YIPF6: variants seen among roughly 807,000 people sequenced by gnomAD.
The protein encoded by YIPF6 is protein YIPF6.
Under a neutral mutation model 16.8 loss-of-function variants are expected in YIPF6, and 3 were observed. The observed-to-expected ratio is 0.18, with a 90% confidence interval of 0.08 to 0.46. The LOEUF is 0.46. Among genes scored for constraint, YIPF6 ranks in the 20% least tolerant of loss-of-function variants. YIPF6 has a pLI of 0.98. For synonymous variants in YIPF6, 67 were observed against 61.9 expected, an observed-to-expected ratio of 1.08 and a Z score of -0.38; for missense variants, 145 against 184.9, an observed-to-expected ratio of 0.78 and a Z score of 1.25.
In YIPF6 at chrX:68,535,517, G is replaced by A. The variant is rs2079188029; in HGVS notation, c.*3518G>A. On this transcript the variant is annotated 3_prime_UTR_variant, in exon 7 of 7. Coordinates refer to ENST00000462683, the MANE Select transcript of YIPF6 (RefSeq NM_173834.4). ...AAATTGTGATTCTTAGACTGTTTCT[G>A]AGACATTTGGATGGAAATAAATGTA... The A allele has an allele frequency of 8.9e-6, 1 of 111,793 alleles. No individual in the cohort carries two copies. Among genetic ancestry groups the A allele is most frequent in the Non-Finnish European group, 1.9e-5 (1 of 53,224 alleles). The allele number at this position is 111,793 out of a possible 1,213,427, so 9.2% of individuals were successfully genotyped here.
Position 68,514,082 on chromosome X carries a change from C to G in YIPF6, c.265+677C>G, listed in dbSNP as rs1296902461. 4 of 106,541 alleles carry G rather than the reference C, an allele frequency of 3.8e-5. No individual in the cohort carries two copies. In the Admixed American group the frequency reaches 4.1e-4, roughly 11 times the overall value. The allele number at this position is 106,541 out of a possible 1,213,427, so 8.8% of individuals were successfully genotyped here. On this transcript the variant is annotated intron_variant, in intron 3 of 6. Coordinates refer to ENST00000462683, the MANE Select transcript of YIPF6 (RefSeq NM_173834.4). ...CTCATTTCTACTAAAAATAAAAAAACTAGCCAGGCCTGGTAGCACAAGCCT... is the reference window on the plus strand; with the variant it reads ...CTCATTTCTACTAAAAATAAAAAAAGTAGCCAGGCCTGGTAGCACAAGCCT...
chrX:68,534,691 G>A lies in YIPF6; in HGVS notation c.*2692G>A, dbSNP rs1399921774. 1.8e-5 allele frequency: 2 copies of A among 111,835 alleles called. No individual in the cohort carries two copies. The highest frequency in any genetic ancestry group is 3.8e-5 in the Non-Finnish European group (2 of 53,231). The allele number at this position is 111,835 out of a possible 1,213,427, so 9.2% of individuals were successfully genotyped here. ...CTTAATATATTCAAAAAAGTGCATT[G>A]CTTTCTGTGATGGAAGTTAAGACCT... On this transcript the variant is annotated 3_prime_UTR_variant, in exon 7 of 7. Transcript: ENST00000462683.
chrX:68,505,507 G>A (rs1401150504), intron 1 of YIPF6, among the ~76,000 whole-genome samples: 1 of 112,191 alleles, frequency 8.9e-6, no homozygotes, highest in Non-Finnish European at 1.9e-5. Flanking sequence ...ATTATGTGAG[G>A]CTACTTTTGG....
chrX:68,522,135 A>G (rs1038429782), intron 5 of YIPF6, among the ~76,000 whole-genome samples: 1 of 110,525 alleles, frequency 9.0e-6, no homozygotes, highest in Non-Finnish European at 1.9e-5. Context: ...ATTCTCAAGT[A>G]TAATAGGTCT....
At chrX:68,517,140 TTTTGTTTG>T (rs775526143) in intron 3 of YIPF6, among the ~76,000 whole-genome samples, 1 of 106,758 alleles carries the variant, frequency 9.4e-6, no homozygotes, top group Admixed American at 1.0e-4. Flanking sequence ...CAGCAGCTGT[TTTTGTTTG>T]TTTGTTTGTT....
chrX:68,511,153 A>G (rs2079079454), intron 1 of YIPF6, among the ~76,000 whole-genome samples: 1 of 109,078 alleles, frequency 9.2e-6, no homozygotes, highest in Admixed American at 9.9e-5. Context: ...AAATTTCAGT[A>G]TACTGTCTTG....
intron 4 of YIPF6, among the ~76,000 whole-genome samples, chrX:68,519,503 CTTTT>C (rs1369657249): frequency 2.9e-5 from 3 of 104,159 alleles, no homozygotes; most frequent in African/African-American, 1.0e-4. Context: ...TTTTATTTTT[CTTTT>C]TTTTTTTGAC....
intron 6 of YIPF6, among the ~76,000 whole-genome samples, chrX:68,523,831 T>C (rs1383948636): frequency 8.9e-6 from 1 of 111,784 alleles, no homozygotes; most frequent in Non-Finnish European, 1.9e-5. Flanking sequence ...CTTGGGTGCT[T>C]TTCCCATGGG....
chrX:68,536,620 A>G lies in YIPF6; in HGVS notation c.*4621A>G, dbSNP rs189140891. ...ACCCTTCCCCCAAGGTATTTTCCCTATTGTTAGCCTTTGTACCCTAGAACT... is the reference window on the plus strand; with the variant it reads ...ACCCTTCCCCCAAGGTATTTTCCCTGTTGTTAGCCTTTGTACCCTAGAACT... On this transcript the variant is annotated 3_prime_UTR_variant, in exon 7 of 7. Coordinates refer to ENST00000462683, the MANE Select transcript of YIPF6 (RefSeq NM_173834.4). The G allele has an allele frequency of 9.0e-6, 1 of 110,914 alleles. No homozygotes were observed. Among genetic ancestry groups the G allele is most frequent in the African/African-American group, 3.3e-5 (1 of 30,481 alleles). 9.1% of individuals were successfully genotyped at this position (110,914 alleles called of 1,213,427 possible).
intron 2 of YIPF6, 41 bp from the exon 3 acceptor site, chrX:68,513,286 C>T (rs2079088273): frequency 9.0e-7 from 1 of 1,105,459 alleles, no homozygotes; most frequent in South Asian, 2.0e-5. Context: ...CTGCTGGCAA[C>T]CTTGGTCATC....
intron 6 of YIPF6, among the ~76,000 whole-genome samples, chrX:68,523,581 G>T (rs1344147337): frequency 1.8e-5 from 2 of 111,925 alleles, no homozygotes; most frequent in Admixed American, 1.9e-4. Flanking sequence ...ACTAGGAAGG[G>T]CCTATAGCAA....
intron 6 of YIPF6, among the ~76,000 whole-genome samples, chrX:68,525,667 T>C (rs757425041): frequency 6.2e-5 from 7 of 112,041 alleles, no homozygotes; most frequent in Non-Finnish European, 1.1e-4. Flanking sequence ...TTGTATAAGG[T>C]ATAAGGAAAG....
chrX:68,513,888 T>C (rs1167005295), intron 3 of YIPF6: 1 of 110,029 alleles, frequency 9.1e-6, no homozygotes, highest in Admixed American at 9.9e-5. Flanking sequence ...AAATTTAGAT[T>C]GGAATCTCAG....
chrX:68,521,712 C>T (rs1296951070), intron 5 of YIPF6, among the ~76,000 whole-genome samples: 3 of 108,858 alleles, frequency 2.8e-5, no homozygotes, highest in Non-Finnish European at 5.7e-5. Context: ...CCCAGCATCC[C>T]GAGTAGCTGG....
chrX:68,533,798 A>T lies in YIPF6; in HGVS notation c.*1799A>T, dbSNP rs1374866266. ...GATCCTCATTTTGAAATTGGTTCTA[A>T]ATTATTATCCATTTCCAATGTCTGA... On this transcript the variant is annotated 3_prime_UTR_variant, in exon 7 of 7. Transcript: ENST00000462683. 1 of 112,502 alleles carries T rather than the reference A, an allele frequency of 8.9e-6. No homozygotes were observed. Among genetic ancestry groups the T allele is most frequent in the African/African-American group, 3.2e-5 (1 of 30,980 alleles). The allele number at this position is 112,502 out of a possible 1,213,427, so 9.3% of individuals were successfully genotyped here. A position where few individuals can be genotyped will look rare whatever the true frequency, so the allele number is the denominator to read the frequency against.
intron 2 of YIPF6, 58 bp downstream of exon 2, chrX:68,512,035 A>G: frequency 9.5e-7 from 1 of 1,053,460 alleles, no homozygotes; most frequent in Non-Finnish European, 1.3e-6. Flanking sequence ...AGTAACTAAT[A>G]GTACTTTGCA....
intron 1 of YIPF6, among the ~76,000 whole-genome samples, chrX:68,505,273 G>A (rs914791710): frequency 1.8e-5 from 2 of 111,132 alleles, no homozygotes; most frequent in African/African-American, 3.3e-5. Flanking sequence ...ACCCGGGCAT[G>A]GTGGTGGGTG....
intron 2 of YIPF6, among the ~76,000 whole-genome samples, 179 bp from the exon 3 acceptor site, chrX:68,513,148 A>G (rs769940622): frequency 5.3e-4 from 59 of 112,248 alleles, no homozygotes; most frequent in Non-Finnish European, 1.0e-3. Flanking sequence ...AGAAGTTAAT[A>G]GAAAAAGCAT....
intron 1 of YIPF6, among the ~76,000 whole-genome samples, chrX:68,511,523 A>AT (rs927214082): frequency 3.6e-5 from 4 of 112,263 alleles, no homozygotes; most frequent in African/African-American, 1.3e-4. Flanking sequence ...TAAGACAGTG[A>AT]TTGCTAAAAG....
Sources: gnomAD v4.1 joint callset for allele counts (sites outside exome capture counted in the v4.1 genomes callset) on GRCh38, gnomAD v4.1.1 for gene constraint, MANE v1.5 for transcripts, NCBI Gene and HGNC (gene_info 2026-07-23, HGNC 2026-07-21) for gene names.